Variants in ST8SIA4 observed in about 807,000 individuals in gnomAD.
The protein encoded by ST8SIA4 is CMP-N-acetylneuraminate-poly-alpha-2,8-sialyltransferase.
A neutral mutation model predicts 33.9 loss-of-function variants in ST8SIA4; 15 were observed. That is an observed-to-expected ratio of 0.44 (90% CI 0.30 to 0.68). ST8SIA4 has a LOEUF of 0.68. ST8SIA4 is among the 30% of genes least tolerant of loss of function. The pLI, the probability that ST8SIA4 is intolerant of heterozygous loss-of-function variation, is 0.10. For missense variants in ST8SIA4, 321 were observed against 428.0 expected, an observed-to-expected ratio of 0.75 and a Z score of 2.21; for synonymous variants, 171 against 151.2, an observed-to-expected ratio of 1.13 and a Z score of -0.96.
chr5:100,813,528 T>G (rs1487359289), intron 4 of ST8SIA4, among the ~76,000 whole-genome samples: 1 of 151,968 alleles, frequency 6.6e-6, no homozygotes, highest in Non-Finnish European at 1.5e-5. Context: ...GAGAAGAACA[T>G]CTAGGAATTT....
chr5:100,867,694 A>G (rs2112452771), intron 3 of ST8SIA4, among the ~76,000 whole-genome samples: 1 of 152,102 alleles, frequency 6.6e-6, no homozygotes, highest in South Asian at 2.1e-4. Context: ...ACTTAATACC[A>G]TATTCACTTG....
intron 3 of ST8SIA4, 119 bp downstream of exon 3, chr5:100,886,224 T>A (rs953476726): frequency 3.3e-5 from 49 of 1,473,626 alleles, no homozygotes; most frequent in Non-Finnish European, 3.9e-5. Context: ...GAAAAGGATA[T>A]CATAGACAAA....
chr5:100,875,883 T>C (rs972095440), intron 3 of ST8SIA4, among the ~76,000 whole-genome samples: 11 of 152,128 alleles, frequency 7.2e-5, no homozygotes, highest in African/African-American at 2.7e-4. Flanking sequence ...GAACTAGTTC[T>C]AGAGGTTCCC....
chr5:100,864,285 TA>T (rs1041213510), intron 3 of ST8SIA4, among the ~76,000 whole-genome samples: 3 of 151,966 alleles, frequency 2.0e-5, no homozygotes, highest in African/African-American at 7.2e-5. Flanking sequence ...AATATATTTA[TA>T]AAAGCGGGCC....
chr5:100,842,211 AT>A (rs1282849803), intron 4 of ST8SIA4, among the ~76,000 whole-genome samples: 1 of 151,866 alleles, frequency 6.6e-6, no homozygotes, highest in Non-Finnish European at 1.5e-5. Flanking sequence ...ATTCTGTGTT[AT>A]TTCTCATAAA....
intron 4 of ST8SIA4, among the ~76,000 whole-genome samples, chr5:100,838,307 T>A (rs1440585671): frequency 6.6e-6 from 1 of 152,056 alleles, no homozygotes; most frequent in Admixed American, 6.6e-5. Flanking sequence ...ACAGTTAATT[T>A]CATTTTTAAA....
At chr5:100,817,828 ATCT>A (rs1053364562) in intron 4 of ST8SIA4, among the ~76,000 whole-genome samples, 1 of 152,192 alleles carries the variant, frequency 6.6e-6, no homozygotes, top group Non-Finnish European at 1.5e-5. Context: ...TAGATCTTAA[ATCT>A]TCTTCTAATG....
At chr5:100,838,370 T>C (rs1007540310) in intron 4 of ST8SIA4, among the ~76,000 whole-genome samples, 12 of 151,940 alleles carry the variant, frequency 7.9e-5, no homozygotes, top group Admixed American at 7.2e-4. Context: ...GAGTCATGAG[T>C]CTGCTACCTC....
chr5:100,868,280 A>G (rs567638284), intron 3 of ST8SIA4, among the ~76,000 whole-genome samples: 22 of 152,214 alleles, frequency 1.4e-4, no homozygotes, highest in African/African-American at 4.8e-4. Context: ...GCGGATTATA[A>G]CAGAAAATGA....
chr5:100,824,321 T>C (rs562793882), intron 4 of ST8SIA4, among the ~76,000 whole-genome samples: 1 of 152,286 alleles, frequency 6.6e-6, no homozygotes, highest in African/African-American at 2.4e-5. Flanking sequence ...AAAAAGAAAC[T>C]ATAGAGTGCT....
intron 1 of ST8SIA4, among the ~76,000 whole-genome samples, chr5:100,897,990 A>G (rs1752817096): frequency 6.6e-6 from 1 of 152,206 alleles, no homozygotes. Flanking sequence ...AGATATGACT[A>G]CATGATTTCA....
intron 4 of ST8SIA4, among the ~76,000 whole-genome samples, chr5:100,854,220 T>C (rs1751764743): frequency 6.6e-6 from 1 of 151,918 alleles, no homozygotes. Context: ...AGTATTTTTA[T>C]CTTATTTTGT....
In ST8SIA4 at chr5:100,903,106, T is replaced by G; in HGVS notation, c.-151A>C. ...ATCCCGGGATCAGATCACTGGGGTC[T>G]TCTGTGGCCGAGCTCCCTCTGGTCC... On this transcript the variant is annotated 5_prime_UTR_variant, in exon 1 of 5. Transcript: ENST00000231461. 2 of 614,906 alleles carry G rather than the reference T, an allele frequency of 3.3e-6. No homozygotes were observed. Among genetic ancestry groups the G allele is most frequent in the South Asian group, 4.0e-5 (2 of 50,134 alleles). The allele number at this position is 614,906 out of a possible 1,614,324, so 38.1% of individuals were successfully genotyped here.
At chr5:100,850,892 A>G (rs1291040823) in intron 4 of ST8SIA4, among the ~76,000 whole-genome samples, 1 of 151,584 alleles carries the variant, frequency 6.6e-6, no homozygotes, top group African/African-American at 2.4e-5. Flanking sequence ...ATTGTATTTG[A>G]AAAGGTAATA....
rs140658602 is a variant in ST8SIA4 at position 100,895,724 on chromosome 5, C to T, written c.175G>A (p.Ala59Thr). 272 of 1,612,874 alleles carry T rather than the reference C, an allele frequency of 1.7e-4. 1 individual carries two copies. The East Asian group carries it at 5.9e-3, about 35-fold the overall frequency. The change falls in exon 2 of 5, where the codon GCT (alanine) becomes ACT (threonine). Residue 59 changes from alanine to threonine, a missense_variant. By Grantham distance (58) the Ala-to-Thr change is moderately conservative. Coordinates refer to ENST00000231461, the MANE Select transcript of ST8SIA4 (RefSeq NM_005668.6). ...TTGTGCTGGAAGATTGAAGAGCCAGCCTTTCGAATGATTTTATCAGAGCTA... is the reference window on the plus strand; with the variant it reads ...TTGTGCTGGAAGATTGAAGAGCCAGTCTTTCGAATGATTTTATCAGAGCTA... The part of the protein sequence containing the change: ...VNSSDKIIRK[A>T]GSSIFQHNVE...
At chr5:100,857,484 G>A (rs1751843080) in intron 3 of ST8SIA4, among the ~76,000 whole-genome samples, 1 of 151,698 alleles carries the variant, frequency 6.6e-6, no homozygotes, top group African/African-American at 2.4e-5. Flanking sequence ...ACTGTATTGG[G>A]AAAAAGTTGT....
At chr5:100,872,875 T>TAAAAAAAAAAAA (rs550303574) in intron 3 of ST8SIA4, among the ~76,000 whole-genome samples, 1 of 132,438 alleles carries the variant, frequency 7.6e-6, no homozygotes. Context: ...AGATATGGGC[T>TAAAAAAAAAAAA]AAAAAAAAAA....
Position 100,811,780 on chromosome 5 carries a change from T to C in ST8SIA4, c.*67A>G, listed in dbSNP as rs2112392704. 1 of 1,490,482 alleles carries C rather than the reference T, an allele frequency of 6.7e-7. No homozygotes were observed. The highest frequency in any genetic ancestry group is 2.1e-5 in the Admixed American group (1 of 46,604). The allele number at this position is 1,490,482 out of a possible 1,614,324, so 92.3% of individuals were successfully genotyped here. ...TGCTGAAACCCAGCCGTGTTTTGGA[T>C]CCTATTTTCAAATCTTCGGAAGCAT... is the stretch of plus-strand genomic sequence containing the variant. On this transcript the variant is annotated 3_prime_UTR_variant, in exon 5 of 5. Transcript: ENST00000231461.
intron 1 of ST8SIA4, chr5:100,900,608 T>C: frequency 2.4e-6 from 1 of 412,136 alleles, no homozygotes; most frequent in South Asian, 1.7e-5. Context: ...ACAGTCTTGG[T>C]CTCTCAGGAG....
Sources: allele counts gnomAD v4.1 joint callset (sites outside exome capture counted in the v4.1 genomes callset), GRCh38; gene constraint gnomAD v4.1.1; transcripts MANE v1.5; gene names NCBI Gene and HGNC (gene_info 2026-07-23, HGNC 2026-07-21).